Variants in GTF2H3 observed in about 807,000 individuals in gnomAD.
GTF2H3 encodes the protein TFIIH basal transcription factor complex p34 subunit.
GTF2H3 carries 42 observed loss-of-function variants against 51.1 expected under a neutral mutation model. That is an observed-to-expected ratio of 0.82 (90% CI 0.64 to 1.06). The LOEUF is 1.06. Among genes scored for constraint, GTF2H3 ranks in the 50% least tolerant of loss-of-function variants. The pLI, the probability that GTF2H3 is intolerant of heterozygous loss-of-function variation, is 0.00. For missense variants in GTF2H3, 326 were observed against 366.1 expected (o/e 0.89, Z 0.89); for synonymous variants, 123 against 123.8 (o/e 0.99, Z 0.04).
At chr12:123,655,043 G>A (rs1401067968) in intron 8 of GTF2H3, 45 bp downstream of exon 8, 1 of 1,483,818 alleles carries the variant, frequency 6.7e-7, no homozygotes, top group Admixed American at 1.7e-5. Context: ...TCATAACGAA[G>A]GAGTCAATTT....
intron 6 of GTF2H3, 43 bp from the exon 7 acceptor site, chr12:123,652,664 G>T (rs1158769037): frequency 7.1e-6 from 11 of 1,538,538 alleles, no homozygotes; most frequent in Non-Finnish European, 9.8e-6. Context: ...TATATGATTA[G>T]TAAGATTTAG....
At position 123,635,465 on chromosome 12, in the gene GTF2H3, C is replaced by T. The variant is rs879326324; in HGVS notation, c.13+1593C>T. On this transcript the variant is annotated intron_variant, in intron 1 of 12. Coordinates refer to ENST00000543341, the MANE Select transcript of GTF2H3 (RefSeq NM_001516.5). ...GCGCACACCTATAATCCCAGCTACT[C>T]AGGAGGCTGAGGCAGGAAAATTGCT... Among the ~76,000 whole-genome samples, 5 of 150,920 alleles carry T rather than the reference C, an allele frequency of 3.3e-5. No homozygotes were observed. The Admixed American group carries it at 3.3e-4, about 10-fold the overall frequency.
At chr12:123,648,791 C>T (rs923902566) in intron 4 of GTF2H3, among the ~76,000 whole-genome samples, 7 of 152,124 alleles carry the variant, frequency 4.6e-5, no homozygotes, top group East Asian at 3.8e-4. Flanking sequence ...TCCAGAATCC[C>T]GCTCCTTATT....
chr12:123,651,029 G>C lies in GTF2H3; in HGVS notation c.400G>C (p.Ala134Pro). The C allele has an allele frequency of 6.2e-7, 1 of 1,613,056 alleles. No individual in the cohort carries two copies. The change falls in exon 5 of 13, where the codon GCA becomes CCA. Residue 134 changes from alanine to proline, a missense_variant. Physicochemically the swap from Ala to Pro is conservative, Grantham distance 27. Coordinates refer to ENST00000543341, the MANE Select transcript of GTF2H3 (RefSeq NM_001516.5). ...GGGTCAACATACAGAAACTTTGCTG[G>C]CAGGATCCCTGGCCAAAGCCCTTTG... ...IKGQHTETLL[A>P]GSLAKALCYI...
intron 6 of GTF2H3, 39 bp from the exon 7 acceptor site, chr12:123,652,668 G>T (rs1412933770): frequency 1.3e-6 from 2 of 1,541,092 alleles, no homozygotes; most frequent in Admixed American, 3.8e-5. Flanking sequence ...TGATTAGTAA[G>T]ATTTAGTTAA....
intron 1 of GTF2H3, among the ~76,000 whole-genome samples, chr12:123,636,462 T>C (rs1593790649): frequency 3.3e-5 from 5 of 152,354 alleles, no homozygotes; most frequent in Admixed American, 3.3e-4. Context: ...GGAAAGGCAT[T>C]ACTGCTCTTT....
chr12:123,659,756 G>T, intron 10 of GTF2H3, 39 bp from the exon 11 acceptor site: 2 of 1,595,840 alleles, frequency 1.3e-6, no homozygotes, highest in Non-Finnish European at 1.7e-6. Flanking sequence ...TTTTTCCCAT[G>T]TTTTAAATAA....
At chr12:123,649,329 C>A (rs1955491005) in intron 4 of GTF2H3, 1 of 152,206 alleles carries the variant, frequency 6.6e-6, no homozygotes, top group South Asian at 2.1e-4. Context: ...CTGGATAATT[C>A]TTTGTTGTGG....
intron 9 of GTF2H3, among the ~76,000 whole-genome samples, chr12:123,659,183 C>G (rs955075524): frequency 2.0e-5 from 3 of 152,096 alleles, no homozygotes; most frequent in Admixed American, 6.6e-5. Context: ...TACCATGTGA[C>G]TGGGGAAACC....
At position 123,652,606 on chromosome 12, in the gene GTF2H3, T is replaced by C. The variant is rs376413036; in HGVS notation, c.457+45T>C. ...TATGAGAACTGTAATCCTACTTATT[T>C]TACTAGTATTTCTTTACTAGACTGT... On this transcript the variant is annotated intron_variant, in intron 6 of 12. Coordinates refer to ENST00000543341, the MANE Select transcript of GTF2H3 (RefSeq NM_001516.5). 4 of 1,489,546 alleles carry C rather than the reference T, an allele frequency of 2.7e-6. No individual in the cohort carries two copies. In the African/African-American group the frequency reaches 5.6e-5, roughly 21 times the overall value. 92.3% of individuals were successfully genotyped at this position (1,489,546 alleles called of 1,614,324 possible).
chr12:123,652,218 T>G (rs1359546539), intron 5 of GTF2H3, among the ~76,000 whole-genome samples: 1 of 152,228 alleles, frequency 6.6e-6, no homozygotes, highest in Non-Finnish European at 1.5e-5. Flanking sequence ...CTGAACATAT[T>G]TGTAAATCAG....
At position 123,647,152 on chromosome 12, in the gene GTF2H3, C is replaced by CAA. The variant is rs1157428737; in HGVS notation, c.201-792_201-791dup. On this transcript the variant is annotated intron_variant, in intron 3 of 12. Coordinates refer to ENST00000543341, the MANE Select transcript of GTF2H3 (RefSeq NM_001516.5). The stretch of plus-strand genomic sequence containing the variant: ...TGGGCGACAGAGCAAGACCCTGTCT[C>CAA]AAAAAAAAAAAAAAAAAAAAGTCAC... 6.5e-4 allele frequency among the ~76,000 whole-genome samples: 41 copies of CAA among 63,126 alleles called. 1 individual carries two copies. Among genetic ancestry groups the CAA allele is most frequent in the African/African-American group, 2.0e-3 (35 of 17,340 alleles). 41.4% of individuals were successfully genotyped at this position (63,126 alleles called of 152,430 possible). A position where few individuals can be genotyped will look rare whatever the true frequency, so the allele number is the denominator to read the frequency against.
At chr12:123,642,710 A>G (rs1036475926) in intron 2 of GTF2H3, among the ~76,000 whole-genome samples, 17 of 152,204 alleles carry the variant, frequency 1.1e-4, no homozygotes, top group African/African-American at 4.1e-4. Flanking sequence ...TTATTGTCAT[A>G]CATATTACAC....
At chr12:123,647,803 T>C (rs939849725) in intron 3 of GTF2H3, among the ~76,000 whole-genome samples, 160 bp from the exon 4 acceptor site, 3 of 152,248 alleles carry the variant, frequency 2.0e-5, no homozygotes, top group African/African-American at 4.8e-5. Context: ...TCTAATTTTA[T>C]CTTACACATT....
At chr12:123,659,709 G>A in intron 10 of GTF2H3, 86 bp from the exon 11 acceptor site, 2 of 1,474,838 alleles carry the variant, frequency 1.4e-6, no homozygotes, top group Non-Finnish European at 1.9e-6. Flanking sequence ...GGAGGCCTTG[G>A]AGTTCCAAGG....
Position 123,660,386 on chromosome 12 carries a change from C to T in GTF2H3, c.*151C>T. On this transcript the variant is annotated 3_prime_UTR_variant, in exon 13 of 13. Coordinates refer to ENST00000543341, the MANE Select transcript of GTF2H3 (RefSeq NM_001516.5). ...AATATTTCCCAAACATCCTTTTCAT[C>T]CTGTGCTTCTGGAGGACTGATTTGT... 1.7e-6 allele frequency: 1 copy of T among 573,234 alleles called. No individual in the cohort carries two copies. Among genetic ancestry groups the T allele is most frequent in the Non-Finnish European group, 3.0e-6 (1 of 331,230 alleles). 35.5% of individuals were successfully genotyped at this position (573,234 alleles called of 1,614,324 possible).
At position 123,660,296 on chromosome 12, in the gene GTF2H3, G is replaced by C; in HGVS notation, c.*61G>C. The C allele has an allele frequency of 8.2e-7, 1 of 1,217,824 alleles. No individual in the cohort carries two copies. The highest frequency in any genetic ancestry group is 1.3e-5 in the South Asian group (1 of 74,870). The allele number at this position is 1,217,824 out of a possible 1,614,324, so 75.4% of individuals were successfully genotyped here. A position where few individuals can be genotyped will look rare whatever the true frequency, so the allele number is the denominator to read the frequency against. The stretch of plus-strand genomic sequence containing the variant: ...ATAGAAATTATATAGCAGATTCTTT[G>C]TTGGGAAGACTGAAAAAAATAAAGA... On this transcript the variant is annotated 3_prime_UTR_variant, in exon 13 of 13. Coordinates refer to ENST00000543341, the MANE Select transcript of GTF2H3 (RefSeq NM_001516.5).
intron 3 of GTF2H3, among the ~76,000 whole-genome samples, chr12:123,646,975 C>A (rs1955455282): frequency 6.6e-6 from 1 of 150,770 alleles, no homozygotes; most frequent in African/African-American, 2.4e-5. Context: ...CATGGTGAAA[C>A]CCCGTTTCTA....
At chr12:123,651,595 G>A (rs1054882389) in intron 5 of GTF2H3, among the ~76,000 whole-genome samples, 1 of 151,884 alleles carries the variant, frequency 6.6e-6, no homozygotes, top group Admixed American at 6.6e-5. Context: ...CGAGGCAGGC[G>A]GATCATGAGG....
Sources: gnomAD v4.1 joint callset for allele counts (sites outside exome capture counted in the v4.1 genomes callset) on GRCh38, gnomAD v4.1.1 for gene constraint, MANE v1.5 for transcripts, NCBI Gene and HGNC (gene_info 2026-07-23, HGNC 2026-07-21) for gene names.